The following FAM120A variants were observed in gnomAD, a reference collection of about 807,000 sequenced individuals.
FAM120A encodes the protein family with sequence similarity 120 member A, also known as constitutive coactivator of PPAR-gamma-like protein 1.
A neutral mutation model predicts 109.7 loss-of-function variants in FAM120A; 15 were observed. That is an observed-to-expected ratio of 0.14 (90% CI 0.09 to 0.21). The LOEUF (loss-of-function observed/expected upper bound fraction) is 0.21, where lower values mean the gene tolerates loss of function less well. Ranked by LOEUF, FAM120A falls within the 10% of genes least tolerant of loss-of-function variation. The pLI, the probability that FAM120A is intolerant of heterozygous loss-of-function variation, is 1.00. For synonymous variants in FAM120A, 493 were observed against 572.8 expected, an observed-to-expected ratio of 0.86 and a Z score of 1.99; for missense variants, 899 against 1,439.3, an observed-to-expected ratio of 0.62 and a Z score of 6.07.
intron 14 of FAM120A, among the ~76,000 whole-genome samples, 167 bp from the exon 15 acceptor site, chr9:93,558,414 C>T (rs1862365490): frequency 7.6e-6 from 1 of 130,992 alleles, no homozygotes; most frequent in African/African-American, 2.5e-5. Flanking sequence ...CCTTACAATA[C>T]TGGTCCCCAG....
chr9:93,550,477 T>G (rs1236105814), intron 11 of FAM120A, 100 bp from the exon 12 acceptor site: 7 of 813,420 alleles, frequency 8.6e-6, no homozygotes. Context: ...TCTTCTTAGC[T>G]CACATCATCC....
Position 93,550,570 on chromosome 9 carries a change from T to C in FAM120A, c.2160-7T>C, listed in dbSNP as rs1223436357. 2 of 1,611,456 alleles carry C rather than the reference T, an allele frequency of 1.2e-6. No homozygotes were observed. The highest frequency in any genetic ancestry group is 3.3e-5 in the Admixed American group (2 of 60,002). ...ATCACCAACCTTTTGTTTCTGCCCC[T>C]CACCAGGTACATGGTGCAGTGGCCG... On this transcript the variant is annotated splice_polypyrimidine_tract_variant and splice_region_variant and intron_variant, in intron 11 of 17. Transcript: ENST00000277165.
At chr9:93,482,380 G>A (rs947804307) in intron 3 of FAM120A, among the ~76,000 whole-genome samples, 18 of 152,022 alleles carry the variant, frequency 1.2e-4, no homozygotes, top group Middle Eastern at 6.8e-3. Flanking sequence ...TAGTAGAGAC[G>A]GGATTTCACC....
chr9:93,511,049 C>G (rs1019211562), intron 5 of FAM120A, among the ~76,000 whole-genome samples: 3 of 151,636 alleles, frequency 2.0e-5, no homozygotes, highest in Admixed American at 6.6e-5. Flanking sequence ...GTAAAGCAAC[C>G]CTTTTCATTG....
Position 93,471,153 on chromosome 9 carries a change from A to G in FAM120A, c.487A>G (p.Ile163Val). 1.2e-6 allele frequency: 2 copies of G among 1,614,204 alleles called. No homozygotes were observed. Among genetic ancestry groups the G allele is most frequent in the Non-Finnish European group, 1.7e-6 (2 of 1,180,042 alleles). Reference sequence around the variant, plus strand: ...TCTCGTTTGCCAGGTTGCACAGAGCATTGAGGATCACCATCAGGAAGTGAT... The same window carrying G: ...TCTCGTTTGCCAGGTTGCACAGAGCGTTGAGGATCACCATCAGGAAGTGAT... ...IRFHVKVAQS[I>V]EDHHQEVIGF... The change falls in exon 2 of 18, where the codon ATT becomes GTT. Residue 163 changes from isoleucine (I) to valine (V), a missense_variant. Ile to Val is a conservative substitution (Grantham distance 29). Transcript: ENST00000277165.
intron 3 of FAM120A, among the ~76,000 whole-genome samples, chr9:93,496,713 A>G (rs1859590815): frequency 6.6e-6 from 1 of 152,216 alleles, no homozygotes; most frequent in Non-Finnish European, 1.5e-5. Context: ...CACGCAATGC[A>G]GCATATTCGC....
At chr9:93,456,827 G>A (rs1857566261) in intron 1 of FAM120A, among the ~76,000 whole-genome samples, 1 of 152,210 alleles carries the variant, frequency 6.6e-6, no homozygotes, top group Admixed American at 6.5e-5. Context: ...GTTAGGATAG[G>A]AACAGTCATG....
At chr9:93,560,709 G>C (rs1026228742) in intron 15 of FAM120A, among the ~76,000 whole-genome samples, 6 of 152,330 alleles carry the variant, frequency 3.9e-5, no homozygotes, top group African/African-American at 1.4e-4. Context: ...AGAAATACAG[G>C]CTAGATTTAT....
intron 5 of FAM120A, among the ~76,000 whole-genome samples, chr9:93,502,854 G>C (rs990313037): frequency 1.3e-5 from 2 of 152,148 alleles, no homozygotes; most frequent in African/African-American, 4.8e-5. Flanking sequence ...AAAATATTTA[G>C]TTCCCTAGTT....
intron 7 of FAM120A, among the ~76,000 whole-genome samples, chr9:93,516,484 T>C (rs963268628): frequency 3.6e-4 from 55 of 152,276 alleles, no homozygotes; most frequent in African/African-American, 9.1e-4. Flanking sequence ...AAATCTGCAC[T>C]ATCCCAGCCC....
rs371538927 is a variant in FAM120A, at chr9:93,462,106, ACT to A, written c.475-9032_475-9031del. Reference sequence around the variant, plus strand: ...TGTCGTTAATCAAAGGAAAAGGAAAACTCTGCCTTTTTACAAGTAGGAAGTTA... The same window carrying A: ...TGTCGTTAATCAAAGGAAAAGGAAAACTGCCTTTTTACAAGTAGGAAGTTA... On this transcript the variant is annotated intron_variant, in intron 1 of 17. Transcript: ENST00000277165. 2.6e-5 allele frequency among the ~76,000 whole-genome samples: 4 copies of A among 152,256 alleles called. No homozygotes were observed. In the South Asian group the frequency reaches 6.2e-4, roughly 24 times the overall value.
chr9:93,502,499 TA>T (rs1859845452), intron 5 of FAM120A, among the ~76,000 whole-genome samples: 1 of 151,846 alleles, frequency 6.6e-6, no homozygotes, highest in Non-Finnish European at 1.5e-5. Flanking sequence ...CTATCTGCAA[TA>T]TTGAGAAAAA....
chr9:93,534,614 C>T (rs1022502394), intron 10 of FAM120A, among the ~76,000 whole-genome samples: 1 of 152,168 alleles, frequency 6.6e-6, no homozygotes, highest in African/African-American at 2.4e-5. Flanking sequence ...GAACTCCCTT[C>T]CCTCCTCTCC....
At chr9:93,506,054 T>C (rs1387536555) in intron 5 of FAM120A, among the ~76,000 whole-genome samples, 1 of 152,238 alleles carries the variant, frequency 6.6e-6, no homozygotes, top group Admixed American at 6.5e-5. Flanking sequence ...ATTATCTTCA[T>C]GCCACAGGAT....
intron 5 of FAM120A, among the ~76,000 whole-genome samples, chr9:93,514,666 C>T (rs1860486630): frequency 6.6e-6 from 1 of 152,174 alleles, no homozygotes; most frequent in Admixed American, 6.5e-5. Flanking sequence ...AGTGCAGCTC[C>T]TAGAGGTCCA....
At chr9:93,506,584 ATT>A (rs57537956) in intron 5 of FAM120A, among the ~76,000 whole-genome samples, 9 of 143,756 alleles carry the variant, frequency 6.3e-5, no homozygotes, top group African/African-American at 2.3e-4. Flanking sequence ...TTAGGGCATG[ATT>A]TTTTTTTTTC....
chr9:93,537,636 T>C (rs1395393925), intron 10 of FAM120A, among the ~76,000 whole-genome samples: 1 of 152,206 alleles, frequency 6.6e-6, no homozygotes, highest in Non-Finnish European at 1.5e-5. Context: ...TATTGATTCC[T>C]GTATTTTTAA....
intron 9 of FAM120A, chr9:93,530,261 G>C (rs989480041): frequency 6.6e-6 from 1 of 152,176 alleles, no homozygotes. Flanking sequence ...AATTTCCTCA[G>C]TGATTTGTAG....
chr9:93,529,010 TGA>T (rs948650936), intron 8 of FAM120A, among the ~76,000 whole-genome samples: 1 of 152,118 alleles, frequency 6.6e-6, no homozygotes, highest in Non-Finnish European at 1.5e-5. Flanking sequence ...GATGGACAAG[TGA>T]GAGCCAAACA....
Sources: gnomAD v4.1 joint callset for allele counts (sites outside exome capture counted in the v4.1 genomes callset) on GRCh38, gnomAD v4.1.1 for gene constraint, MANE v1.5 for transcripts, NCBI Gene and HGNC (gene_info 2026-07-23, HGNC 2026-07-21) for gene names.